The following SH3PXD2B variants were observed in gnomAD, a reference collection of about 807,000 sequenced individuals.
SH3PXD2B encodes the protein SH3 and PX domains 2B.
SH3PXD2B carries 37 observed loss-of-function variants against 73.1 expected under a neutral mutation model. That is an observed-to-expected ratio of 0.51 (90% CI 0.39 to 0.67). The LOEUF is 0.67. SH3PXD2B is among the 30% of genes least tolerant of loss of function. The pLI is 0.00. For missense variants in SH3PXD2B, 1,053 were observed against 1,197.8 expected (o/e 0.88, Z 1.78); for synonymous variants, 457 against 480.5 (o/e 0.95, Z 0.64).
At chr5:172,326,066 C>T (rs1015644880) in intron 12 of SH3PXD2B, among the ~76,000 whole-genome samples, 16 of 152,212 alleles carry the variant, frequency 1.1e-4, no homozygotes, top group African/African-American at 3.1e-4. Flanking sequence ...GGATTACAGG[C>T]GTGAGCCACC....
At chr5:172,390,997 T>A (rs6888740) in intron 4 of SH3PXD2B, among the ~76,000 whole-genome samples, 2,288 of 152,110 alleles carry the variant, frequency 0.015, 54 homozygotes, top group African/African-American at 0.052. Flanking sequence ...ATGCGCCACC[T>A]CGCCTGGCTA....
At position 172,339,255 on chromosome 5, in the gene SH3PXD2B, T is replaced by C. The variant is rs778260997; in HGVS notation, c.1850A>G (p.Lys617Arg). 3 of 1,614,184 alleles carry C rather than the reference T, an allele frequency of 1.9e-6. No individual in the cohort carries two copies. The highest frequency in any genetic ancestry group is 1.7e-6 in the Non-Finnish European group (2 of 1,180,026). ...VKKPNLRPIS[K>R]SKTDLPEEKP... The stretch of plus-strand genomic sequence containing the variant: ...CTCCTCTGGCAGGTCAGTTTTGGAT[T>C]TGGAGATGGGCCGGAGGTTGGGCTT... Residue 617 changes from lysine to arginine, a missense_variant, in exon 13 of 13, where the codon AAA becomes AGA. Around this residue, in one of 2 missense-constraint regions of SH3PXD2B, gnomAD observed 587 missense variants for 590.7 expected, o/e 0.99. Transcript: ENST00000311601. This position sits in a 1 kb window ranked among gnomAD's most constrained non-coding sequence, Gnocchi z 6.1.
rs777672562 is a variant in SH3PXD2B at position 172,338,652 on chromosome 5, G to T, written c.2453C>A (p.Thr818Lys). The change falls in exon 13 of 13, where the codon ACG becomes AAG. Residue 818 changes from threonine (T) to lysine (K), a missense_variant. Thr to Lys is a moderately conservative substitution (Grantham distance 78, BLOSUM62 -1). Around this residue, in one of 2 missense-constraint regions of SH3PXD2B, gnomAD observed 587 missense variants for 590.7 expected, o/e 0.99. Coordinates refer to ENST00000311601, the MANE Select transcript of SH3PXD2B (RefSeq NM_001017995.3). The surrounding 1 kb of genome is among the most constrained non-coding windows in gnomAD (Gnocchi z 5.1). ...TGGCCCCAGGCTGCCTTTGCCTCGC[G>T]TGTCATCCTGGCCCCCCAAAGAGTT... The part of the protein sequence containing the change: ...LSNSLGGQDD[T>K]RGKGSLGPWG... 6.2e-7 allele frequency: 1 copy of T among 1,614,168 alleles called. No individual in the cohort carries two copies. Among genetic ancestry groups the T allele is most frequent in the Admixed American group, 1.7e-5 (1 of 60,018 alleles).
rs1554087696 is a variant in SH3PXD2B at position 172,439,692 on chromosome 5, G to GCGCACACACA, written c.75+14585_75+14586insTGTGTGTGCG. Reference sequence around the variant, plus strand: ...TGTGCGTGCGTGCGCGCACGCGCGCGCACACACACACACACACACACACAC... The same window carrying GCGCACACACA: ...TGTGCGTGCGTGCGCGCACGCGCGCGCGCACACACACACACACACACACACACACACACAC... On this transcript the variant is annotated intron_variant, in intron 1 of 12. Transcript: ENST00000311601. 2.8e-3 allele frequency among the ~76,000 whole-genome samples: 382 copies of GCGCACACACA among 138,596 alleles called. 3 individuals are homozygous for GCGCACACACA. The highest frequency in any genetic ancestry group is 0.01 in the African/African-American group (370 of 35,690). The allele number at this position is 138,596 out of a possible 152,430, so 90.9% of individuals were successfully genotyped here.
chr5:172,382,101 G>T lies in SH3PXD2B; in HGVS notation c.336C>A (p.Ile112=). Residue 112 remains isoleucine, a synonymous_variant, in exon 5 of 13, where the codon ATC becomes ATA. Coordinates refer to ENST00000311601, the MANE Select transcript of SH3PXD2B (RefSeq NM_001017995.3). ...ACTGCAGCACCTCATCACACTGAGA[G>T]ATGTAGGGGGGCAGCTGGATGAGGG... ...CKALIQLPPY[I]SQCDEVLQFF... is the part of the protein sequence containing the mutation. 6.2e-7 allele frequency: 1 copy of T among 1,610,696 alleles called. No individual in the cohort carries two copies. Among genetic ancestry groups the T allele is most frequent in the Non-Finnish European group, 8.5e-7 (1 of 1,178,698 alleles).
At chr5:172,443,603 CCT>C (rs752961082) in intron 1 of SH3PXD2B, among the ~76,000 whole-genome samples, 2 of 152,340 alleles carry the variant, frequency 1.3e-5, no homozygotes, top group African/African-American at 4.8e-5. Context: ...GTCATCTTAG[CCT>C]CTCTCTGGCT....
intron 1 of SH3PXD2B, among the ~76,000 whole-genome samples, chr5:172,452,080 G>A (rs1759808154): frequency 6.6e-6 from 1 of 152,218 alleles, no homozygotes; most frequent in Non-Finnish European, 1.5e-5. Flanking sequence ...AGGCAGGCAG[G>A]GAGCTATGCC....
chr5:172,414,734 G>T (rs1758781573), intron 2 of SH3PXD2B, among the ~76,000 whole-genome samples: 1 of 152,228 alleles, frequency 6.6e-6, no homozygotes, highest in African/African-American at 2.4e-5. Flanking sequence ...TCCCCGTAGG[G>T]AGTGTTCCTT....
At chr5:172,439,688 G>GCACACACACACACACACA (rs1166130299) in intron 1 of SH3PXD2B, among the ~76,000 whole-genome samples, 13 of 104,230 alleles carry the variant, frequency 1.2e-4, no homozygotes, top group Admixed American at 3.9e-4. Flanking sequence ...GCGCGCACGC[G>GCACACACACACACACACA]CGCGCACACA....
chr5:172,368,539 TAA>T (rs1757599021), intron 6 of SH3PXD2B, among the ~76,000 whole-genome samples: 1 of 22,854 alleles, frequency 4.4e-5, no homozygotes. Context: ...TATATATATA[TAA>T]AATATATATA....
chr5:172,450,199 T>A (rs1047649530), intron 1 of SH3PXD2B, among the ~76,000 whole-genome samples: 2 of 152,092 alleles, frequency 1.3e-5, no homozygotes, highest in Non-Finnish European at 1.5e-5. Context: ...GTGAATTTTA[T>A]GGTATGTAAA....
chr5:172,332,800 T>A (rs1482266387), downstream of SH3PXD2B, among the ~76,000 whole-genome samples: 2 of 152,042 alleles, frequency 1.3e-5, no homozygotes, highest in East Asian at 3.9e-4. Context: ...CTGGGGTTGA[T>A]TTTGCTTGGG....
chr5:172,333,375 C>T (rs1189593306), downstream of SH3PXD2B: 11 of 435,702 alleles, frequency 2.5e-5, no homozygotes, highest in African/African-American at 1.1e-4. Context: ...AGAGGGGTCG[C>T]CCCTATTTCT....
In SH3PXD2B at chr5:172,335,418, G is replaced by C; in HGVS notation, c.*2951C>G. ...GCAGAGAAAAGTCATGGACACGAGG[G>C]AAAGAACAACAACAACAAAACCAAA... On this transcript the variant is annotated 3_prime_UTR_variant, in exon 13 of 13. Coordinates refer to ENST00000311601, the MANE Select transcript of SH3PXD2B (RefSeq NM_001017995.3). 8.3e-7 allele frequency: 1 copy of C among 1,210,084 alleles called. No individual in the cohort carries two copies. Among genetic ancestry groups the C allele is most frequent in the South Asian group, 4.5e-5 (1 of 22,100 alleles). 75.0% of individuals were successfully genotyped at this position (1,210,084 alleles called of 1,614,324 possible).
intron 4 of SH3PXD2B, among the ~76,000 whole-genome samples, chr5:172,388,805 C>T (rs1279267961): frequency 2.6e-5 from 4 of 152,192 alleles, no homozygotes; most frequent in Admixed American, 1.3e-4. Flanking sequence ...ACCCTATAGT[C>T]CTTGCCAGCA....
In SH3PXD2B at chr5:172,335,681, C is replaced by T. The variant is rs975743193; in HGVS notation, c.*2688G>A. 3.2e-6 allele frequency: 4 copies of T among 1,231,626 alleles called. No individual in the cohort carries two copies. Among genetic ancestry groups the T allele is most frequent in the East Asian group, 6.3e-5 (2 of 31,718 alleles). The allele number at this position is 1,231,626 out of a possible 1,614,324, so 76.3% of individuals were successfully genotyped here. ...ACTCCAGGGGAGTTCTGCATATGCGCCATCAATCGCTCACAGAATAGCGAC... is the reference window on the plus strand; with the variant it reads ...ACTCCAGGGGAGTTCTGCATATGCGTCATCAATCGCTCACAGAATAGCGAC... On this transcript the variant is annotated 3_prime_UTR_variant, in exon 13 of 13. Coordinates refer to ENST00000311601, the MANE Select transcript of SH3PXD2B (RefSeq NM_001017995.3).
downstream of SH3PXD2B, among the ~76,000 whole-genome samples, chr5:172,328,886 T>C (rs1240957426): frequency 6.6e-6 from 1 of 151,918 alleles, no homozygotes; most frequent in Non-Finnish European, 1.5e-5. Context: ...GCAGCTCCAT[T>C]CACATGGAAG....
In SH3PXD2B at chr5:172,422,940, G is replaced by A. The variant is rs575306499; in HGVS notation, c.76-444C>T. On this transcript the variant is annotated intron_variant, in intron 1 of 12. Coordinates refer to ENST00000311601, the MANE Select transcript of SH3PXD2B (RefSeq NM_001017995.3). ...AGCCCATCATGCTGTCTCCACCGACGAGGACCTAGGCCAAGTTATTTTTTC... is the reference window on the plus strand; with the variant it reads ...AGCCCATCATGCTGTCTCCACCGACAAGGACCTAGGCCAAGTTATTTTTTC... Among the ~76,000 whole-genome samples, 8 of 152,290 alleles carry A rather than the reference G, an allele frequency of 5.3e-5. No homozygotes were observed. In the South Asian group the frequency reaches 1.7e-3, roughly 32 times the overall value.
chr5:172,338,429 C>G lies in SH3PXD2B; in HGVS notation c.2676G>C (p.Leu892=). ...NSSGWWFCQV[L]SGAPSWEGWI... ...ACCCTTCCCAGGAAGGGGCTCCGCTCAGGACCTGGCAGAACCACCAGCCAC... is the reference window on the plus strand; with the variant it reads ...ACCCTTCCCAGGAAGGGGCTCCGCTGAGGACCTGGCAGAACCACCAGCCAC... Residue 892 remains leucine, a synonymous_variant, in exon 13 of 13, where the codon CTG becomes CTC. Coordinates refer to ENST00000311601, the MANE Select transcript of SH3PXD2B (RefSeq NM_001017995.3). This position sits in a 1 kb window ranked among gnomAD's most constrained non-coding sequence, Gnocchi z 5.1. The G allele has an allele frequency of 1.2e-6, 2 of 1,614,202 alleles. No homozygotes were observed. The highest frequency in any genetic ancestry group is 2.2e-5 in the East Asian group (1 of 44,878).
Sources: allele counts gnomAD v4.1 joint callset (sites outside exome capture counted in the v4.1 genomes callset), GRCh38; gene constraint gnomAD v4.1.1; regional missense constraint gnomAD v4.1.1; non-coding constraint Gnocchi (gnomAD v3.1); transcripts MANE v1.5; gene names NCBI Gene and HGNC (gene_info 2026-07-23, HGNC 2026-07-21).